The following ZNF160 variants were observed in gnomAD, a reference collection of about 807,000 sequenced individuals.
ZNF160 encodes the protein zinc finger protein 160, also known as KRAB zinc finger protein KR18.
Under a neutral mutation model 13.1 loss-of-function variants are expected in ZNF160, and 9 were observed. The ratio of observed to expected loss-of-function variants is 0.69; its 90% confidence interval spans 0.41 to 1.20. The LOEUF is 1.20. Ranked by LOEUF, ZNF160 falls within the 50% of genes most tolerant of loss-of-function variation. ZNF160 has a pLI of 0.01. For synonymous variants in ZNF160, 293 were observed against 333.2 expected (o/e 0.88, Z 1.31); for missense variants, 838 against 988.0 (o/e 0.85, Z 2.04).
At chr19:53,085,998 C>A in intron 3 of ZNF160, 2 of 1,382,606 alleles carry the variant, frequency 1.4e-6, no homozygotes, top group Non-Finnish European at 2.0e-6. Context: ...AGCACTGACA[C>A]CACAGGACCC....
At chr19:53,096,923 C>T (rs752425704) in intron 1 of ZNF160, among the ~76,000 whole-genome samples, 26 of 115,262 alleles carry the variant, frequency 2.3e-4, no homozygotes, top group Non-Finnish European at 4.4e-4. Flanking sequence ...CATTCTATTG[C>T]ACAAATTCCT....
intron 3 of ZNF160, among the ~76,000 whole-genome samples, chr19:53,081,361 C>T (rs536479327): frequency 4.7e-4 from 72 of 152,184 alleles, no homozygotes; most frequent in Non-Finnish European, 7.2e-4. Context: ...GCAAACTACG[C>T]ATCTGACGAA....
intron 3 of ZNF160, among the ~76,000 whole-genome samples, chr19:53,081,527 A>G (rs970882642): frequency 2.0e-5 from 3 of 152,142 alleles, no homozygotes; most frequent in South Asian, 4.1e-4. Context: ...CAACACCCCG[A>G]TCATCAGAGA....
At chr19:53,090,733 T>A (rs1452940676) in intron 2 of ZNF160, among the ~76,000 whole-genome samples, 1 of 152,098 alleles carries the variant, frequency 6.6e-6, no homozygotes, top group Admixed American at 6.5e-5. Flanking sequence ...GGGTGGGATC[T>A]GTGGAATCCC....
intron 3 of ZNF160, among the ~76,000 whole-genome samples, chr19:53,083,642 A>C (rs1435137252): frequency 1.3e-5 from 2 of 152,222 alleles, no homozygotes; most frequent in Non-Finnish European, 2.9e-5. Context: ...GCTCATGCCT[A>C]TAATCCCAGC....
rs375378966 is a variant in ZNF160 at position 53,084,791 on chromosome 19, G to C, written c.15+1471C>G. Reference sequence around the variant, plus strand: ...GAAATCTGACGTGGCATTGGTGGGAGAGGGCACCTCTGCACCTGGGGTAGG... The same window carrying C: ...GAAATCTGACGTGGCATTGGTGGGACAGGGCACCTCTGCACCTGGGGTAGG... On this transcript the variant is annotated intron_variant, in intron 3 of 5. Transcript: ENST00000683776. 8.5e-5 allele frequency among the ~76,000 whole-genome samples: 13 copies of C among 152,260 alleles called. No homozygotes were observed. The East Asian group carries it at 9.7e-4, about 11-fold the overall frequency.
intron 1 of ZNF160, among the ~76,000 whole-genome samples, chr19:53,093,163 G>A (rs1437630292): frequency 6.6e-6 from 1 of 152,200 alleles, no homozygotes; most frequent in Non-Finnish European, 1.5e-5. Context: ...GGCCGGGCAC[G>A]GTGGTTCATG....
intron 2 of ZNF160, among the ~76,000 whole-genome samples, chr19:53,087,475 T>C (rs2084881826): frequency 6.6e-6 from 1 of 152,224 alleles, no homozygotes. Context: ...AGTACAGGGT[T>C]GCCCTTAGCT....
intron 4 of ZNF160, among the ~76,000 whole-genome samples, chr19:53,074,815 C>G (rs937108431): frequency 6.6e-6 from 1 of 152,026 alleles, no homozygotes; most frequent in African/African-American, 2.4e-5. Flanking sequence ...TTTCAAAAGT[C>G]TAACACAATG....
intron 3 of ZNF160, 102 bp from the exon 4 acceptor site, chr19:53,075,285 T>A: frequency 1.4e-6 from 2 of 1,458,148 alleles, no homozygotes; most frequent in Non-Finnish European, 1.9e-6. Context: ...TAAATTGAAG[T>A]GGGTGAGCTG....
chr19:53,088,155 T>C (rs763295503), intron 2 of ZNF160, among the ~76,000 whole-genome samples: 1 of 151,950 alleles, frequency 6.6e-6, no homozygotes, highest in African/African-American at 2.4e-5. Context: ...GCAAGAAGAT[T>C]GAATAGATTT....
At chr19:53,095,983 C>T (rs868795428) in intron 1 of ZNF160, among the ~76,000 whole-genome samples, 2 of 152,004 alleles carry the variant, frequency 1.3e-5, no homozygotes, top group African/African-American at 2.4e-5. Flanking sequence ...TTTGGGAGGC[C>T]GAGGTGGGCA....
At chr19:53,099,408 G>A (rs555268893) in intron 1 of ZNF160, among the ~76,000 whole-genome samples, 7 of 152,354 alleles carry the variant, frequency 4.6e-5, no homozygotes, top group African/African-American at 1.7e-4. Context: ...AAGCTCCCAG[G>A]AGGAGGCTGG....
In ZNF160 at chr19:53,068,733, C is replaced by T. The variant is rs1425254020; in HGVS notation, c.1801G>A (p.Ala601Thr). The T allele has an allele frequency of 3.7e-6, 6 of 1,614,160 alleles. No individual in the cohort carries two copies. The East Asian group carries it at 8.9e-5, about 24-fold the overall frequency. The part of the protein sequence containing the change: ...KPYKCNDCGR[A>T]FSDRSSLTFH... ...GTTAGGCTTGAACGATCACTAAAGG[C>T]TCTGCCACAGTCATTACACTTGTAA... The change falls in exon 6 of 6, where the codon GCC (alanine) becomes ACC (threonine). Residue 601 changes from alanine to threonine, a missense_variant. Around this residue, in one of 3 missense-constraint regions of ZNF160, gnomAD observed 400 missense variants for 538.9 expected, o/e 0.74. Coordinates refer to ENST00000683776, the MANE Select transcript of ZNF160 (RefSeq NM_001322131.2).
chr19:53,076,141 C>T (rs1417921048), intron 3 of ZNF160, among the ~76,000 whole-genome samples: 2 of 152,184 alleles, frequency 1.3e-5, no homozygotes, highest in Non-Finnish European at 2.9e-5. Context: ...AGTTATGTCT[C>T]CCTAATTCTG....
intron 3 of ZNF160, among the ~76,000 whole-genome samples, chr19:53,083,036 A>G (rs1374486641): frequency 6.6e-6 from 1 of 152,242 alleles, no homozygotes; most frequent in Admixed American, 6.5e-5. Flanking sequence ...GAAGAGATGC[A>G]TACAGTGAAG....
intron 5 of ZNF160, 129 bp downstream of exon 5, chr19:53,074,011 A>T: frequency 1.2e-6 from 1 of 846,924 alleles, no homozygotes; most frequent in Non-Finnish European, 1.9e-6. Flanking sequence ...GCTGGTCTCG[A>T]ACTCCTGACC....
chr19:53,102,926 C>T (rs998919095), intron 1 of ZNF160, among the ~76,000 whole-genome samples: 2 of 151,978 alleles, frequency 1.3e-5, no homozygotes, highest in African/African-American at 4.8e-5. Flanking sequence ...AGGTGGGGGG[C>T]GACGGCGCCT....
intron 3 of ZNF160, among the ~76,000 whole-genome samples, chr19:53,078,766 T>A: frequency 6.7e-6 from 1 of 148,380 alleles, no homozygotes; most frequent in African/African-American, 2.5e-5. Context: ...ATCTGTATAC[T>A]CTCATAAGTA....
Sources: allele counts gnomAD v4.1 joint callset (sites outside exome capture counted in the v4.1 genomes callset), GRCh38; gene constraint gnomAD v4.1.1; regional missense constraint gnomAD v4.1.1; transcripts MANE v1.5; gene names NCBI Gene and HGNC (gene_info 2026-07-23, HGNC 2026-07-21).